Variants in SMIM27 observed in about 807,000 individuals in gnomAD.
SMIM27 encodes transition zone microprotein 1.
In SMIM27, 3 loss-of-function variants were observed where a neutral mutation model predicts 1.8. The observed-to-expected ratio is 1.65, with a 90% CI of 0.75 to 4.28. The LOEUF is 4.28. SMIM27 is among the 30% of genes most tolerant of loss of function. The probability of loss-of-function intolerance (pLI) is 0.02; values close to 1 mark genes in which losing one functional copy is unlikely to be tolerated. For synonymous variants in SMIM27, 19 were observed against 13.9 expected (o/e 1.37, Z -0.82); for missense variants, 63 against 37.0 (o/e 1.70, Z -1.83).
chr9:32,564,977 T>C (rs1320165034), intron 1 of SMIM27, among the ~76,000 whole-genome samples: 4 of 151,952 alleles, frequency 2.6e-5, no homozygotes, highest in Non-Finnish European at 5.9e-5. Flanking sequence ...CATTGGGAGG[T>C]TTCCTACTTT....
Position 32,552,973 on chromosome 9 carries a change from T to C in SMIM27, c.*50T>C. 1.6e-6 allele frequency: 1 copy of C among 634,858 alleles called. No individual in the cohort carries two copies. The highest frequency in any genetic ancestry group is 2.8e-5 in the Admixed American group (1 of 36,112). 39.3% of individuals were successfully genotyped at this position (634,858 alleles called of 1,614,324 possible). A position where few individuals can be genotyped will look rare whatever the true frequency, so the allele number is the denominator to read the frequency against. On this transcript the variant is annotated 3_prime_UTR_variant, in exon 2 of 2. Transcript: ENST00000692500. ...AATACAGTTCTTTCCCTCATGCTTA[T>C]GTAGATATAAAAATAAAATTCATAA... is the stretch of plus-strand genomic sequence containing the variant.
downstream of SMIM27, among the ~76,000 whole-genome samples, chr9:32,557,887 T>A (rs1407711571): frequency 1.3e-5 from 2 of 152,240 alleles, no homozygotes; most frequent in African/African-American, 4.8e-5. Context: ...TGTGACTAAG[T>A]CATTTGATTA....
chr9:32,563,486 T>C (rs1300475850), intron 1 of SMIM27, among the ~76,000 whole-genome samples: 1 of 140,298 alleles, frequency 7.1e-6, no homozygotes, highest in African/African-American at 2.7e-5. Context: ...GGTGGGACTA[T>C]TGGGCTTTTT....
chr9:32,561,063 C>G (rs939547040), intron 1 of SMIM27, among the ~76,000 whole-genome samples: 1 of 152,112 alleles, frequency 6.6e-6, no homozygotes, highest in South Asian at 2.1e-4. Flanking sequence ...AATGAAGTAG[C>G]CTTTTTATGA....
At chr9:32,561,787 A>G (rs1821634719) in intron 1 of SMIM27, among the ~76,000 whole-genome samples, 1 of 152,106 alleles carries the variant, frequency 6.6e-6, no homozygotes, top group Non-Finnish European at 1.5e-5. Flanking sequence ...TTCCTTTAGA[A>G]GTGTCTCTGG....
Position 32,552,864 on chromosome 9 carries a change from A to G in SMIM27, c.109A>G (p.Arg37Gly), listed in dbSNP as rs1021413528. 1.4e-6 allele frequency: 1 copy of G among 702,682 alleles called. No homozygotes were observed. Among genetic ancestry groups the G allele is most frequent in the African/African-American group, 1.7e-5 (1 of 57,254 alleles). The allele number at this position is 702,682 out of a possible 1,614,324, so 43.5% of individuals were successfully genotyped here. ...CATCTATGCTTCGATGGTGTCTGCA[A>G]GACGACAGCTAAGGAAGAAATACCC... ...CIIYASMVSA[R>G]RQLRKKYPDK... Residue 37 changes from arginine (R) to glycine (G), a missense_variant, in exon 2 of 2, where the codon AGA becomes GGA. By Grantham distance (125) the Arg-to-Gly change is moderately radical. Transcript: ENST00000692500.
upstream of SMIM27, chr9:32,551,213 G>A (rs1821250110): frequency 5.0e-6 from 3 of 601,778 alleles, no homozygotes; most frequent in South Asian, 3.8e-5. Flanking sequence ...TCAGCCACTG[G>A]GGACACTGAC....
chr9:32,551,338 T>C (rs1563987509), upstream of SMIM27: 1 of 385,736 alleles, frequency 2.6e-6, no homozygotes, highest in South Asian at 2.2e-5. Context: ...GATAGGGGAA[T>C]TGTTAGATGG....
intron 1 of SMIM27, among the ~76,000 whole-genome samples, chr9:32,559,650 C>A (rs1408099293): frequency 1.3e-5 from 2 of 152,160 alleles, no homozygotes. Context: ...CCTGTATCTT[C>A]ATTTCATTTA....
Position 32,552,899 on chromosome 9 carries a change from C to T in SMIM27, c.144C>T (p.Ile48=), listed in dbSNP as rs1302192514. 1 of 702,054 alleles carries T rather than the reference C, an allele frequency of 1.4e-6. No homozygotes were observed. Among genetic ancestry groups the T allele is most frequent in the East Asian group, 2.7e-5 (1 of 37,268 alleles). 43.5% of individuals were successfully genotyped at this position (702,054 alleles called of 1,614,324 possible). ...RQLRKKYPDK[I]FGTNENL ...TAAGGAAGAAATACCCAGACAAAAT[C>T]TTTGGGACGAATGAAAATTTGTAAC... The change falls in exon 2 of 2, where the codon ATC becomes ATT. Residue 48 remains isoleucine, a synonymous_variant. Transcript: ENST00000692500.
At chr9:32,561,235 A>T (rs1420321361) in intron 1 of SMIM27, among the ~76,000 whole-genome samples, 2 of 152,112 alleles carry the variant, frequency 1.3e-5, no homozygotes, top group Non-Finnish European at 1.5e-5. Flanking sequence ...TAGAACTAAC[A>T]ATCTCATGTT....
chr9:32,552,531 G>A (rs1563988774), intron 1 of SMIM27, 52 bp downstream of exon 1: 2 of 1,510,194 alleles, frequency 1.3e-6, no homozygotes, highest in Non-Finnish European at 1.8e-6. Context: ...TGGGCCCGCA[G>A]GCGGAAAGGC....
downstream of SMIM27, among the ~76,000 whole-genome samples, chr9:32,557,976 C>T (rs1422526959): frequency 1.3e-5 from 2 of 152,150 alleles, no homozygotes; most frequent in Non-Finnish European, 2.9e-5. Flanking sequence ...TAGAAATAGA[C>T]AAGAACATAG....
In SMIM27 at chr9:32,552,362, G is replaced by A. The variant is rs1202332518; in HGVS notation, c.-73G>A. ...AAAAGATGGCTGCTGGCGCCTGGCA[G>A]CCACCGCCTGGGAGGTTACTGTAAG... is the stretch of plus-strand genomic sequence containing the variant. On this transcript the variant is annotated 5_prime_UTR_variant, in exon 1 of 2. Coordinates refer to ENST00000692500, the MANE Select transcript of SMIM27 (RefSeq NM_001387564.1). The A allele has an allele frequency of 3.2e-6, 5 of 1,584,214 alleles. No individual in the cohort carries two copies. Among genetic ancestry groups the A allele is most frequent in the Admixed American group, 1.8e-5 (1 of 55,988 alleles).
downstream of SMIM27, chr9:32,553,993 G>A (rs773913761): frequency 8.5e-7 from 1 of 1,182,028 alleles, no homozygotes; most frequent in Non-Finnish European, 1.2e-6. Context: ...GTCTACAGAG[G>A]TGATAGTTCT....
chr9:32,556,880 G>C (rs1821472740), downstream of SMIM27, among the ~76,000 whole-genome samples: 1 of 138,764 alleles, frequency 7.2e-6, no homozygotes, highest in Admixed American at 7.3e-5. Flanking sequence ...TTTGAGGCAG[G>C]GTGCTCTGTC....
At chr9:32,554,330 G>A (rs571911421), downstream of SMIM27, among the ~76,000 whole-genome samples, 3 of 152,158 alleles carry the variant, frequency 2.0e-5, no homozygotes, top group Non-Finnish European at 4.4e-5. Flanking sequence ...AATGTGTTAC[G>A]CAATCACCAG....
chr9:32,565,732 T>C lies in SMIM27; in HGVS notation c.46-659T>C, dbSNP rs181572428. ...CACGCCTGTAATCCCAGCACTTTGG[T>C]AGGCCGAGGCAGGTGGATCACCTGA... is the stretch of plus-strand genomic sequence containing the variant. On this transcript the variant is annotated intron_variant, in intron 1 of 1. Transcript: ENST00000451672. 816 of 153,768 alleles carry C rather than the reference T, an allele frequency of 5.3e-3. 6 individuals are homozygous for C. The highest frequency in any genetic ancestry group is 0.019 in the African/African-American group (775 of 41,534). The allele number at this position is 153,768 out of a possible 1,614,324, so 9.5% of individuals were successfully genotyped here.
chr9:32,555,095 C>G (rs1470960753), downstream of SMIM27, among the ~76,000 whole-genome samples: 1 of 138,546 alleles, frequency 7.2e-6, no homozygotes, highest in Admixed American at 7.2e-5. Flanking sequence ...TGTTCCTGAC[C>G]AAAAAAAAAA....
Sources: gnomAD v4.1 joint callset for allele counts (sites outside exome capture counted in the v4.1 genomes callset) on GRCh38, gnomAD v4.1.1 for gene constraint, MANE v1.5 for transcripts, NCBI Gene and HGNC (gene_info 2026-07-23, HGNC 2026-07-21) for gene names.